Variants in LRRK2 observed in about 807,000 individuals in gnomAD.
LRRK2 encodes leucine rich repeat kinase 2.
LRRK2 carries 203 observed loss-of-function variants against 302.6 expected under a neutral mutation model. That is an observed-to-expected ratio of 0.67 (90% CI 0.60 to 0.75). The LOEUF (loss-of-function observed/expected upper bound fraction) is 0.75. Ranked by LOEUF, LRRK2 falls within the 30% of genes least tolerant of loss-of-function variation. The probability of loss-of-function intolerance (pLI) is 0.00; values close to 1 mark genes in which losing one functional copy is unlikely to be tolerated. For synonymous variants in LRRK2, 1,066 were observed against 1,031.9 expected (o/e 1.03, Z -0.63); for missense variants, 2,830 against 2,951.0 (o/e 0.96, Z 0.95).
At chr12:40,288,177 G>A (rs1254536657) in intron 20 of LRRK2, among the ~76,000 whole-genome samples, 1 of 150,950 alleles carries the variant, frequency 6.6e-6, no homozygotes, top group East Asian at 1.9e-4. Context: ...TATTTGAGAG[G>A]GCAAAAAATG....
At chr12:40,284,995 T>G (rs929075568) in intron 19 of LRRK2, among the ~76,000 whole-genome samples, 2 of 152,178 alleles carry the variant, frequency 1.3e-5, no homozygotes, top group African/African-American at 4.8e-5. Context: ...TGCAATTTGG[T>G]GCCTTTATAC....
chr12:40,335,507 C>T (rs1194282273), intron 40 of LRRK2, among the ~76,000 whole-genome samples: 1 of 152,050 alleles, frequency 6.6e-6, no homozygotes, highest in Non-Finnish European at 1.5e-5. Context: ...AAGATGAGTC[C>T]ATACTTCTCA....
At chr12:40,225,719 CGA>C in intron 2 of LRRK2, 79 bp downstream of exon 2, 1 of 1,298,158 alleles carries the variant, frequency 7.7e-7, no homozygotes, top group African/African-American at 1.5e-5. Context: ...TTAATATAGC[CGA>C]GAGTTCTTGG....
chr12:40,315,326 C>T (rs200790922), intron 33 of LRRK2, 26 bp downstream of exon 33: 40 of 1,567,660 alleles, frequency 2.6e-5, no homozygotes, highest in South Asian at 3.3e-5. Flanking sequence ...TTTTGTGGCA[C>T]GGGGGTTATG....
intron 14 of LRRK2, among the ~76,000 whole-genome samples, chr12:40,271,295 A>G (rs992784193): frequency 6.6e-6 from 1 of 152,224 alleles, no homozygotes; most frequent in South Asian, 2.1e-4. Flanking sequence ...AAGAAAAAGA[A>G]TAAAGGGAGA....
rs35517158 is a variant in LRRK2 at position 40,238,078 on chromosome 12, A to G, written c.546A>G (p.Lys182=). The change falls in exon 5 of 51, where the codon AAA becomes AAG. Residue 182 remains lysine (K), a synonymous_variant. Coordinates refer to ENST00000298910, the MANE Select transcript of LRRK2 (RefSeq NM_198578.4). ...ANDEVQKLGC[K]ALHVLFERVS... is the part of the protein sequence containing the mutation. ...ATGAAGTCCAGAAACTTGGATGCAA[A>G]GCTTTACATGTGCTGTTTGAGAGAG... 9.9e-6 allele frequency: 16 copies of G among 1,613,626 alleles called. No individual in the cohort carries two copies. Among genetic ancestry groups the G allele is most frequent in the African/African-American group, 2.7e-5 (2 of 74,918 alleles).
At chr12:40,367,115 A>G in intron 50 of LRRK2, 38 bp downstream of exon 50, 2 of 1,360,368 alleles carry the variant, frequency 1.5e-6, no homozygotes, top group Non-Finnish European at 2.1e-6. Flanking sequence ...AAACAGGGCA[A>G]TGATGTGAAT....
intron 20 of LRRK2, among the ~76,000 whole-genome samples, chr12:40,288,788 G>A (rs17466178): frequency 6.6e-6 from 1 of 151,714 alleles, no homozygotes; most frequent in Non-Finnish European, 1.5e-5. Flanking sequence ...TTATATAAGA[G>A]TTCTTTGTAT....
At chr12:40,282,265 A>G (rs539502420) in intron 18 of LRRK2, among the ~76,000 whole-genome samples, 1 of 149,752 alleles carries the variant, frequency 6.7e-6, no homozygotes, top group South Asian at 2.1e-4. Context: ...AGAGGATTTT[A>G]GTAATTTGCT....
chr12:40,278,022 G>A lies in LRRK2; in HGVS notation c.2070+6G>A, dbSNP rs1421191397. 1 of 1,613,652 alleles carries A rather than the reference G, an allele frequency of 6.2e-7. No homozygotes were observed. Among genetic ancestry groups the A allele is most frequent in the African/African-American group, 1.3e-5 (1 of 74,896 alleles). On this transcript the variant is annotated splice_donor_region_variant and intron_variant, in intron 17 of 50. Coordinates refer to ENST00000298910, the MANE Select transcript of LRRK2 (RefSeq NM_198578.4). ...TGGAACAAAAGGATCAACAGGTACA[G>A]TGTTTTTCACTTGCATCCTAAATGT... is the stretch of plus-strand genomic sequence containing the variant.
rs11564113 is a variant in LRRK2 at position 40,264,066 on chromosome 12, A to C, written c.1656+165A>C. ...ATGACAGTGGGGATGTGGGAAGTGA[A>C]AAGATATGTACTAAGCTAAGTCCAG... is the stretch of plus-strand genomic sequence containing the variant. On this transcript the variant is annotated intron_variant, in intron 14 of 50. Transcript: ENST00000298910. Among the ~76,000 whole-genome samples, 1,884 of 152,256 alleles carry C rather than the reference A, an allele frequency of 0.012. 27 individuals carry two copies. Among genetic ancestry groups the C allele is most frequent in the Non-Finnish European group, 0.019 (1,307 of 68,012 alleles).
chr12:40,319,324 A>G (rs1945328004), intron 33 of LRRK2, among the ~76,000 whole-genome samples: 1 of 152,062 alleles, frequency 6.6e-6, no homozygotes, highest in Non-Finnish European at 1.5e-5. Context: ...TTACAGAGCT[A>G]GTAGTAGAGC....
chr12:40,355,194 C>T (rs977848180), intron 45 of LRRK2, among the ~76,000 whole-genome samples: 1 of 151,982 alleles, frequency 6.6e-6, no homozygotes, highest in Non-Finnish European at 1.5e-5. Flanking sequence ...ACTCCACTGG[C>T]AGTTTCGGAG....
chr12:40,236,685 C>T (rs1941480806), intron 4 of LRRK2, among the ~76,000 whole-genome samples: 1 of 152,032 alleles, frequency 6.6e-6, no homozygotes, highest in South Asian at 2.1e-4. Flanking sequence ...GAATTGTCCT[C>T]ATCAGTCCTG....
chr12:40,358,787 C>T (rs1227522032), intron 46 of LRRK2, among the ~76,000 whole-genome samples: 1 of 152,046 alleles, frequency 6.6e-6, no homozygotes, highest in East Asian at 1.9e-4. Context: ...ATGGGAATTT[C>T]ATTGAATCTG....
At chr12:40,293,732 T>A in intron 21 of LRRK2, 69 bp downstream of exon 21, 1 of 1,058,916 alleles carries the variant, frequency 9.4e-7, no homozygotes, top group Non-Finnish European at 1.5e-6. Context: ...AACTAAAATT[T>A]ATGCCAAAGC....
intron 33 of LRRK2, 24 bp from the exon 34 acceptor site, chr12:40,319,964 T>C: frequency 6.3e-7 from 1 of 1,593,438 alleles, no homozygotes; most frequent in Admixed American, 1.8e-5. Flanking sequence ...ATTTTAGTGA[T>C]TATTTATGAC....
At chr12:40,356,666 C>T (rs1319582938) in intron 46 of LRRK2, among the ~76,000 whole-genome samples, 1 of 152,172 alleles carries the variant, frequency 6.6e-6, no homozygotes, top group African/African-American at 2.4e-5. Context: ...CAACTTCCTA[C>T]CCGTTCATTC....
rs1413463006 is a variant in LRRK2, at chr12:40,283,881, G to A, written c.2248G>A (p.Glu750Lys). Residue 750 changes from glutamate (E) to lysine (K), a missense_variant, in exon 19 of 51, where the codon GAG becomes AAG. By Grantham distance (56) the Glu-to-Lys change is moderately conservative. Coordinates refer to ENST00000298910, the MANE Select transcript of LRRK2 (RefSeq NM_198578.4). ...AATTTTTTTTCTTTAATAGGTATGT[G>A]AGAAAGAGAGCAGTCCCAAATTGGT... ...EGSSLICQVCEKESSPKLVEL... is the reference protein window; with the variant it reads ...EGSSLICQVCKKESSPKLVEL... 1.9e-6 allele frequency: 3 copies of A among 1,612,102 alleles called. No homozygotes were observed. Among genetic ancestry groups the A allele is most frequent in the African/African-American group, 1.3e-5 (1 of 74,900 alleles).
Sources: gnomAD v4.1 joint callset for allele counts (sites outside exome capture counted in the v4.1 genomes callset) on GRCh38, gnomAD v4.1.1 for gene constraint, MANE v1.5 for transcripts, NCBI Gene and HGNC (gene_info 2026-07-23, HGNC 2026-07-21) for gene names.